The following TG variants were observed in gnomAD, a reference collection of about 807,000 sequenced individuals.
TG encodes thyroglobulin, also known as thyroid hormones.
TG carries 270 observed loss-of-function variants against 324.7 expected under a neutral mutation model. The ratio of observed to expected loss-of-function variants is 0.83; its 90% confidence interval spans 0.75 to 0.92. The LOEUF (loss-of-function observed/expected upper bound fraction) is 0.92. Among genes scored for constraint, TG ranks in the 40% least tolerant of loss-of-function variants. The probability of loss-of-function intolerance (pLI) is 0.00; values close to 1 mark genes in which losing one functional copy is unlikely to be tolerated. For synonymous variants in TG, 1,401 were observed against 1,327.0 expected, an observed-to-expected ratio of 1.06 and a Z score of -1.21; for missense variants, 3,591 against 3,456.4, an observed-to-expected ratio of 1.04 and a Z score of -0.98.
intron 35 of TG, chr8:133,002,322 C>T (rs993095574): frequency 1.0e-6 from 1 of 985,198 alleles, no homozygotes; most frequent in African/African-American, 1.7e-5. Flanking sequence ...AATTATTTTA[C>T]TTCTTCCATG....
rs573290649 is a variant in TG at position 132,984,156 on chromosome 8, C to T, written c.6262+744C>T. ...CTCCACACGCTGCTCAGCCAAGAGG[C>T]CAAGCGATGTTAATTCCTGTCCTGT... is the stretch of plus-strand genomic sequence containing the variant. On this transcript the variant is annotated intron_variant, in intron 35 of 47. Transcript: ENST00000220616. 1.5e-3 allele frequency among the ~76,000 whole-genome samples: 222 copies of T among 152,332 alleles called. 2 individuals are homozygous for T. Among genetic ancestry groups the T allele is most frequent in the African/African-American group, 5.1e-3 (213 of 41,578 alleles).
chr8:133,017,076 A>G (rs952858437), intron 37 of TG, among the ~76,000 whole-genome samples: 8 of 152,198 alleles, frequency 5.3e-5, no homozygotes, highest in African/African-American at 1.4e-4. Context: ...CCCTTTGTGC[A>G]TGGGGTGTGG....
At chr8:133,108,282 G>A (rs995271422) in intron 43 of TG, among the ~76,000 whole-genome samples, 2 of 151,998 alleles carry the variant, frequency 1.3e-5, no homozygotes, top group South Asian at 2.1e-4. Context: ...CACCACGCCC[G>A]GCCTGGGGAC....
intron 23 of TG, among the ~76,000 whole-genome samples, chr8:132,933,212 GTA>G (rs1822984832): frequency 3.6e-5 from 2 of 55,498 alleles, no homozygotes; most frequent in Non-Finnish European, 7.4e-5. Context: ...GTGTGTGTGT[GTA>G]TTTGGAGGTG....
At chr8:133,009,035 G>A (rs1834265537) in intron 35 of TG, among the ~76,000 whole-genome samples, 1 of 152,192 alleles carries the variant, frequency 6.6e-6, no homozygotes, top group Admixed American at 6.5e-5. Flanking sequence ...GGCAGGTGGA[G>A]GGAATGGCAG....
intron 3 of TG, among the ~76,000 whole-genome samples, chr8:132,870,560 C>T (rs1269559609): frequency 6.6e-6 from 1 of 151,634 alleles, no homozygotes; most frequent in African/African-American, 2.4e-5. Context: ...TAGGGGTGAT[C>T]ATTGCTAATG....
intron 45 of TG, among the ~76,000 whole-genome samples, chr8:133,122,416 T>C (rs1046479189): frequency 6.6e-6 from 1 of 152,162 alleles, no homozygotes; most frequent in Non-Finnish European, 1.5e-5. Flanking sequence ...AGCCCAGGGA[T>C]GTGAGCAGAT....
intron 27 of TG, among the ~76,000 whole-genome samples, chr8:132,957,766 C>CACACACACACACACAG (rs1554680122): frequency 0.051 from 7,444 of 145,506 alleles, 260 homozygotes; most frequent in Non-Finnish European, 0.064. Flanking sequence ...CACACACACA[C>CACACACACACACACAG]ACACACACAC....
At chr8:133,070,839 A>G (rs1204861631) in intron 41 of TG, among the ~76,000 whole-genome samples, 1 of 152,240 alleles carries the variant, frequency 6.6e-6, no homozygotes, top group Non-Finnish European at 1.5e-5. Flanking sequence ...GACCGTGGTG[A>G]AGTTGTCCCT....
At position 133,112,331 on chromosome 8, in the gene TG, T is replaced by C. The variant is rs546384678; in HGVS notation, c.7573-1091T>C. Among the ~76,000 whole-genome samples, 954 of 152,368 alleles carry C rather than the reference T, an allele frequency of 6.3e-3. 2 individuals are homozygous for C. The highest frequency in any genetic ancestry group is 8.6e-3 in the Non-Finnish European group (584 of 68,030). On this transcript the variant is annotated intron_variant, in intron 43 of 47. Coordinates refer to ENST00000220616, the MANE Select transcript of TG (RefSeq NM_003235.5). ...CCGTTTACATAAGGTCCTAGAAATA[T>C]GTAAACACATAGCACAGGACTGTGC...
intron 41 of TG, among the ~76,000 whole-genome samples, chr8:133,043,446 C>T (rs1838705696): frequency 6.6e-6 from 1 of 152,194 alleles, no homozygotes; most frequent in African/African-American, 2.4e-5. Flanking sequence ...TCGTTTTTAC[C>T]TGGCTGCTAA....
At chr8:133,133,813 G>A (rs1182720118) in intron 47 of TG, among the ~76,000 whole-genome samples, 153 bp downstream of exon 47, 1 of 152,228 alleles carries the variant, frequency 6.6e-6, no homozygotes, top group African/African-American at 2.4e-5. Flanking sequence ...TCATGGTCTG[G>A]GGAGCTCCAT....
Position 132,990,947 on chromosome 8 carries a change from A to T in TG, c.6262+7535A>T, listed in dbSNP as rs529251261. On this transcript the variant is annotated intron_variant, in intron 35 of 47. Coordinates refer to ENST00000220616, the MANE Select transcript of TG (RefSeq NM_003235.5). The stretch of plus-strand genomic sequence containing the variant: ...TTTTTTTTTTTTTAGCAAAAAGTTA[A>T]TTCTACCAACAGGGGTGTTAGGAGG... Among the ~76,000 whole-genome samples the T allele has an allele frequency of 3.4e-3, 505 of 149,192 alleles. 3 individuals carry two copies. Among genetic ancestry groups the T allele is most frequent in the African/African-American group, 0.012 (485 of 40,482 alleles).
chr8:132,886,424 C>A, intron 8 of TG, 24 bp from the exon 9 acceptor site: 1 of 1,614,010 alleles, frequency 6.2e-7, no homozygotes, highest in Non-Finnish European at 8.5e-7. Flanking sequence ...AACCTTTTCT[C>A]CCATTTCACT....
intron 29 of TG, chr8:132,964,992 C>G: frequency 1.4e-6 from 1 of 698,154 alleles, no homozygotes; most frequent in Non-Finnish European, 2.6e-6. Context: ...GCTCTGAGAG[C>G]AGGTGTGCCT....
At chr8:132,969,349 T>C in intron 31 of TG, 109 bp from the exon 32 acceptor site, 3 of 796,158 alleles carry the variant, frequency 3.8e-6, no homozygotes, top group South Asian at 2.9e-5. Context: ...GAATTTAATA[T>C]GTCATCTTTA....
intron 45 of TG, among the ~76,000 whole-genome samples, chr8:133,123,952 G>C (rs1043058055): frequency 2.0e-5 from 3 of 152,266 alleles, no homozygotes; most frequent in Non-Finnish European, 1.5e-5. Context: ...GGGCCTAACT[G>C]CCTGGCAGAG....
chr8:133,068,032 GC>G lies in TG; in HGVS notation c.7240-27011del, dbSNP rs1176137240. ...AGGGAGTAGCTGCCTGGGGCTGGGG[GC>G]TCAGCTCAGCATCTCATCCCTCTAC... is the stretch of plus-strand genomic sequence containing the variant. On this transcript the variant is annotated intron_variant, in intron 41 of 47. Transcript: ENST00000220616. Among the ~76,000 whole-genome samples, 3 of 152,266 alleles carry G rather than the reference GC, an allele frequency of 2.0e-5. No homozygotes were observed. In the East Asian group the frequency reaches 5.8e-4, roughly 29 times the overall value.
intron 41 of TG, among the ~76,000 whole-genome samples, chr8:133,080,013 G>A (rs187042514): frequency 5.9e-5 from 9 of 152,138 alleles, no homozygotes; most frequent in Admixed American, 3.9e-4. Context: ...AATGTGTTAG[G>A]CATTTCTCTG....
Sources: allele counts gnomAD v4.1 joint callset (sites outside exome capture counted in the v4.1 genomes callset), GRCh38; gene constraint gnomAD v4.1.1; transcripts MANE v1.5; gene names NCBI Gene and HGNC (gene_info 2026-07-23, HGNC 2026-07-21).